The following CENPO variants were observed in gnomAD, a reference collection of about 807,000 sequenced individuals.
The protein encoded by CENPO is centromeric protein O.
In CENPO, 30 loss-of-function variants were observed where a neutral mutation model predicts 36.1. The observed-to-expected ratio is 0.83, with a 90% CI of 0.62 to 1.13. The LOEUF (loss-of-function observed/expected upper bound fraction) is 1.13, where lower values mean the gene tolerates loss of function less well. Ranked by LOEUF, CENPO falls within the 50% of genes most tolerant of loss-of-function variation. The pLI, the probability that CENPO is intolerant of heterozygous loss-of-function variation, is 0.00. For missense variants in CENPO, 349 were observed against 357.8 expected (o/e 0.98, Z 0.20); for synonymous variants, 171 against 142.3 (o/e 1.20, Z -1.44).
Position 24,821,369 on chromosome 2 carries a change from C to G in CENPO, c.*2051C>G, listed in dbSNP as rs758694907. On this transcript the variant is annotated 3_prime_UTR_variant, in exon 8 of 8. Coordinates refer to ENST00000380834, the MANE Select transcript of CENPO (RefSeq NM_001322101.2). ...ATCTAGAGTCGTCTGGACTAAAGGT[C>G]TTTCAGGTCTCCTTGCCCTGTGAGT... The G allele has an allele frequency of 5.0e-6, 6 of 1,206,570 alleles. No individual in the cohort carries two copies. The highest frequency in any genetic ancestry group is 6.9e-6 in the Non-Finnish European group (6 of 866,752). The allele number at this position is 1,206,570 out of a possible 1,614,324, so 74.7% of individuals were successfully genotyped here.
chr2:24,806,236 C>CT (rs1053701874), intron 3 of CENPO, among the ~76,000 whole-genome samples: 20 of 152,224 alleles, frequency 1.3e-4, no homozygotes, highest in Admixed American at 8.5e-4. Flanking sequence ...CTTTCTTTGA[C>CT]TAGGAAAGGG....
chr2:24,813,880 C>T (rs1263299342), intron 3 of CENPO, among the ~76,000 whole-genome samples: 1 of 152,186 alleles, frequency 6.6e-6, no homozygotes, highest in Non-Finnish European at 1.5e-5. Flanking sequence ...AAACCATTTG[C>T]TCTCTTTGCT....
At position 24,808,489 on chromosome 2, in the gene CENPO, G is replaced by T. The variant is rs562473522; in HGVS notation, c.217-5887G>T. On this transcript the variant is annotated intron_variant, in intron 3 of 7. Transcript: ENST00000380834. The stretch of plus-strand genomic sequence containing the variant: ...AGTGCTGGGATTACAGGCGTGAGCC[G>T]CCGTGCCTGGCCAGGTAATAAAAGA... Among the ~76,000 whole-genome samples, 3 of 152,216 alleles carry T rather than the reference G, an allele frequency of 2.0e-5. No homozygotes were observed. In the East Asian group the frequency reaches 5.8e-4, roughly 29 times the overall value.
rs768191870 is a variant in CENPO at position 24,820,396 on chromosome 2, A to C, written c.*1078A>C. ...GCAGCACTGTTACCTGGAAACTGCC[A>C]CTGCCTGCTCTTCTGTCCCTTTGCC... On this transcript the variant is annotated 3_prime_UTR_variant, in exon 8 of 8. Transcript: ENST00000380834. 9.1e-6 allele frequency: 12 copies of C among 1,313,932 alleles called. No individual in the cohort carries two copies. The highest frequency in any genetic ancestry group is 1.2e-5 in the Non-Finnish European group (12 of 1,035,208). 81.4% of individuals were successfully genotyped at this position (1,313,932 alleles called of 1,614,324 possible).
chr2:24,794,787 A>G (rs766226052), intron 2 of CENPO, among the ~76,000 whole-genome samples: 1 of 152,204 alleles, frequency 6.6e-6, no homozygotes. Context: ...TGCTACTAAT[A>G]CTTTTTAGAA....
chr2:24,800,318 C>G (rs564736638), intron 3 of CENPO, among the ~76,000 whole-genome samples: 1 of 152,224 alleles, frequency 6.6e-6, no homozygotes, highest in Non-Finnish European at 1.5e-5. Flanking sequence ...TGAATATCAC[C>G]TAACATTTTT....
chr2:24,806,867 G>C (rs1666430226), intron 3 of CENPO, among the ~76,000 whole-genome samples: 1 of 152,106 alleles, frequency 6.6e-6, no homozygotes, highest in African/African-American at 2.4e-5. Context: ...AGACCTATCA[G>C]ATTTTTCTTT....
intron 3 of CENPO, among the ~76,000 whole-genome samples, chr2:24,805,978 C>T (rs968638854): frequency 2.6e-5 from 4 of 152,246 alleles, no homozygotes; most frequent in East Asian, 1.9e-4. Flanking sequence ...CCACCCAGTT[C>T]GAGCTTCCAG....
chr2:24,803,228 T>C (rs891474950), intron 3 of CENPO, among the ~76,000 whole-genome samples: 3 of 151,232 alleles, frequency 2.0e-5, no homozygotes, highest in Non-Finnish European at 2.9e-5. Flanking sequence ...TTTTCTTCTT[T>C]ATTAGTCTTG....
At chr2:24,810,768 A>C in intron 3 of CENPO, among the ~76,000 whole-genome samples, 1 of 151,884 alleles carries the variant, frequency 6.6e-6, no homozygotes, top group South Asian at 2.1e-4. Context: ...TCGGCCTCCC[A>C]CAGTGCTGGG....
chr2:24,814,524 C>T (rs1666850067), intron 4 of CENPO, 31 bp downstream of exon 4: 1 of 984,932 alleles, frequency 1.0e-6, no homozygotes, highest in Non-Finnish European at 1.7e-6. Flanking sequence ...CTAATTTAGT[C>T]TGGGTCTGCC....
rs143782986 is a variant in CENPO, at chr2:24,799,722, C to G, written c.94C>G (p.Arg32Gly). ...ERLETQVSRSRKQSEELQSVQ... is the reference protein window; with the variant it reads ...ERLETQVSRSGKQSEELQSVQ... ...GCTAGAGACCCAAGTGAGCAGATCC[C>G]GTAAACAGTCTGAAGAGCTGCAGAG... Residue 32 changes from arginine to glycine, a missense_variant, in exon 3 of 8, where the codon CGT becomes GGT. Transcript: ENST00000380834. The G allele has an allele frequency of 1.2e-6, 2 of 1,614,034 alleles. No individual in the cohort carries two copies. The highest frequency in any genetic ancestry group is 1.7e-6 in the Non-Finnish European group (2 of 1,180,020).
chr2:24,818,391 T>TAAAA (rs369203960), intron 7 of CENPO, among the ~76,000 whole-genome samples: 12 of 151,646 alleles, frequency 7.9e-5, no homozygotes, highest in South Asian at 6.2e-4. Context: ...TTTTTTTTTT[T>TAAAA]AAAAGGAAAG....
Position 24,819,961 on chromosome 2 carries a change from G to A in CENPO, c.*643G>A, listed in dbSNP as rs376337679. ...GAGTTGTCCACCACCTGGTGGGGCA[G>A]TGTGACAGAGGGGCCATTGGGGAAG... On this transcript the variant is annotated 3_prime_UTR_variant, in exon 8 of 8. Transcript: ENST00000380834. 4.3e-6 allele frequency: 7 copies of A among 1,613,838 alleles called. No homozygotes were observed. The highest frequency in any genetic ancestry group is 1.7e-5 in the Admixed American group (1 of 59,986).
chr2:24,793,428 A>G lies in CENPO; in HGVS notation c.-142A>G, dbSNP rs556581290. ...CGCCGCCATGCTTTTGTACGGCAGG[A>G]TCGCAAAGCACGCCGGGACCGGTTG... On this transcript the variant is annotated 5_prime_UTR_variant, in exon 1 of 8. Coordinates refer to ENST00000380834, the MANE Select transcript of CENPO (RefSeq NM_001322101.2). 6.2e-7 allele frequency: 1 copy of G among 1,606,324 alleles called. No homozygotes were observed. The highest frequency in any genetic ancestry group is 1.1e-5 in the South Asian group (1 of 90,674).
intron 3 of CENPO, among the ~76,000 whole-genome samples, chr2:24,806,635 T>TA (rs986046539): frequency 2.0e-5 from 3 of 152,242 alleles, no homozygotes; most frequent in Non-Finnish European, 4.4e-5. Context: ...TTCGGTTTAG[T>TA]AAATACTGCC....
Position 24,799,720 on chromosome 2 carries a change from C to A in CENPO, c.92C>A (p.Ser31Tyr), listed in dbSNP as rs142759452. The A allele has an allele frequency of 2.6e-4, 418 of 1,613,990 alleles. 2 individuals are homozygous for A. The East Asian group carries it at 6.3e-3, about 24-fold the overall frequency. The change falls in exon 3 of 8, where the codon TCC becomes TAC. Residue 31 changes from serine to tyrosine, a missense_variant. Ser to Tyr is a moderately radical substitution (Grantham distance 144). Transcript: ENST00000380834. ...AGGCTAGAGACCCAAGTGAGCAGAT[C>A]CCGTAAACAGTCTGAAGAGCTGCAG... ...LERLETQVSRSRKQSEELQSV... is the reference protein window; with the variant it reads ...LERLETQVSRYRKQSEELQSV...
chr2:24,793,841 TC>T lies in CENPO; in HGVS notation c.-68-10del. On this transcript the variant is annotated splice_polypyrimidine_tract_variant and intron_variant, in intron 1 of 7. Transcript: ENST00000380834. ...GATGTGATGTGACTGTTGCCATTTT[TC>T]TTTTATTAGCAAGGACATTGGAGTC... The T allele has an allele frequency of 6.2e-7, 1 of 1,602,816 alleles. No individual in the cohort carries two copies. Among genetic ancestry groups the T allele is most frequent in the Non-Finnish European group, 8.5e-7 (1 of 1,169,984 alleles).
chr2:24,802,707 A>G (rs1339952190), intron 3 of CENPO, among the ~76,000 whole-genome samples: 2 of 152,060 alleles, frequency 1.3e-5, no homozygotes, highest in African/African-American at 4.8e-5. Flanking sequence ...AAGCTTTTTG[A>G]TGTGCTGCTG....
Sources: gnomAD v4.1 joint callset for allele counts (sites outside exome capture counted in the v4.1 genomes callset) on GRCh38, gnomAD v4.1.1 for gene constraint, MANE v1.5 for transcripts, NCBI Gene and HGNC (gene_info 2026-07-23, HGNC 2026-07-21) for gene names.